Variants in LRRC7 observed in about 807,000 individuals in gnomAD.
LRRC7 encodes the protein leucine rich repeat containing 7.
Under a neutral mutation model 175.7 loss-of-function variants are expected in LRRC7, and 23 were observed. That is an observed-to-expected ratio of 0.13 (90% CI 0.09 to 0.19). The LOEUF (loss-of-function observed/expected upper bound fraction) is 0.19, where lower values mean the gene tolerates loss of function less well. LRRC7 is among the 10% of genes least tolerant of loss of function. LRRC7 has a pLI of 1.00. For synonymous variants in LRRC7, 685 were observed against 680.9 expected, an observed-to-expected ratio of 1.01 and a Z score of -0.09; for missense variants, 1,354 against 1,904.7, an observed-to-expected ratio of 0.71 and a Z score of 5.38.
chr1:69,826,295 C>A (rs1047336404), intron 5 of LRRC7, among the ~76,000 whole-genome samples: 1 of 151,958 alleles, frequency 6.6e-6, no homozygotes, highest in Non-Finnish European at 1.5e-5. Context: ...GCAGCAAGAA[C>A]AAAGAGATAA....
chr1:69,926,144 G>C (rs1647065318), intron 7 of LRRC7, among the ~76,000 whole-genome samples: 1 of 150,172 alleles, frequency 6.7e-6, no homozygotes, highest in Non-Finnish European at 1.5e-5. Context: ...GTTCTAGTTT[G>C]ATTGCACTGT....
Position 69,902,817 on chromosome 1 carries a change from A to C in LRRC7, c.648-28690A>C, listed in dbSNP as rs1290338141. On this transcript the variant is annotated intron_variant, in intron 7 of 26. Coordinates refer to ENST00000651989, the MANE Select transcript of LRRC7 (RefSeq NM_001370785.2). ...TTTTTATGAGAGTATGTTGAAAAGCAATGGTTGATGCAAGATTTGCTTTAT... is the reference window on the plus strand; with the variant it reads ...TTTTTATGAGAGTATGTTGAAAAGCCATGGTTGATGCAAGATTTGCTTTAT... Among the ~76,000 whole-genome samples the C allele has an allele frequency of 2.0e-5, 3 of 152,186 alleles. No homozygotes were observed. The East Asian group carries it at 5.8e-4, about 29-fold the overall frequency.
intron 7 of LRRC7, chr1:69,838,907 A>C (rs780677170): frequency 6.4e-6 from 1 of 156,094 alleles, no homozygotes; most frequent in Non-Finnish European, 1.4e-5. Context: ...TGCCTTATTC[A>C]TGTGTAACAA....
intron 7 of LRRC7, among the ~76,000 whole-genome samples, chr1:69,915,222 T>A (rs1646650271): frequency 6.6e-6 from 1 of 152,030 alleles, no homozygotes; most frequent in Non-Finnish European, 1.5e-5. Context: ...TCCAAAATAA[T>A]CATAAATGCA....
intron 1 of LRRC7, among the ~76,000 whole-genome samples, chr1:69,571,469 A>T (rs919027497): frequency 5.3e-5 from 8 of 152,212 alleles, no homozygotes; most frequent in Non-Finnish European, 8.8e-5. Context: ...ACGAAGATAT[A>T]AATTAATATG....
chr1:70,098,958 C>A (rs1477124277), intron 25 of LRRC7, among the ~76,000 whole-genome samples: 2 of 152,158 alleles, frequency 1.3e-5, no homozygotes, highest in Non-Finnish European at 2.9e-5. Context: ...GGGATCCTCC[C>A]TAACTCATTT....
At chr1:69,641,361 A>G (rs746924708) in intron 1 of LRRC7, among the ~76,000 whole-genome samples, 2 of 151,664 alleles carry the variant, frequency 1.3e-5, no homozygotes, top group Non-Finnish European at 3.0e-5. Context: ...TTTATTATAA[A>G]TCTTTCAATT....
chr1:70,100,109 AAAC>A (rs1664707637), intron 25 of LRRC7, among the ~76,000 whole-genome samples: 1 of 152,176 alleles, frequency 6.6e-6, no homozygotes, highest in African/African-American at 2.4e-5. Context: ...TTTAATTGTT[AAAC>A]AATAGTAGAA....
At chr1:69,940,624 C>T (rs1648609182) in intron 8 of LRRC7, among the ~76,000 whole-genome samples, 1 of 151,716 alleles carries the variant, frequency 6.6e-6, no homozygotes, top group South Asian at 2.1e-4. Flanking sequence ...AGAATCTCCC[C>T]CTGCAAAAAT....
Position 70,140,100 on chromosome 1 carries a change from A to T in LRRC7, c.*18213A>T, listed in dbSNP as rs895791874. 1.3e-5 allele frequency: 2 copies of T among 152,220 alleles called. No individual in the cohort carries two copies. The highest frequency in any genetic ancestry group is 3.4e-3 in the Middle Eastern group (1 of 294). 9.4% of individuals were successfully genotyped at this position (152,220 alleles called of 1,614,324 possible). On this transcript the variant is annotated 3_prime_UTR_variant, in exon 27 of 27. Coordinates refer to ENST00000651989, the MANE Select transcript of LRRC7 (RefSeq NM_001370785.2). ...GATACATCAAGCAATAATAAACTAGATGTGCAATAATCTTGTCGAGTAGTA... is the reference window on the plus strand; with the variant it reads ...GATACATCAAGCAATAATAAACTAGTTGTGCAATAATCTTGTCGAGTAGTA...
chr1:69,924,030 G>T (rs1157627802), intron 7 of LRRC7, among the ~76,000 whole-genome samples: 1 of 152,148 alleles, frequency 6.6e-6, no homozygotes, highest in African/African-American at 2.4e-5. Flanking sequence ...TGGCTAGCCA[G>T]TTTTCCCAGG....
At chr1:69,750,181 A>C (rs949185999) in intron 2 of LRRC7, among the ~76,000 whole-genome samples, 14 of 152,182 alleles carry the variant, frequency 9.2e-5, no homozygotes, top group African/African-American at 2.4e-4. Context: ...TGGGTAATTC[A>C]GAATACTAAT....
In LRRC7 at chr1:70,036,354, T is replaced by C. The variant is rs1659310925; in HGVS notation, c.2108-90T>C. The C allele has an allele frequency of 3.5e-6, 5 of 1,430,104 alleles. No individual in the cohort carries two copies. The African/African-American group carries it at 7.1e-5, about 20-fold the overall frequency. The allele number at this position is 1,430,104 out of a possible 1,614,324, so 88.6% of individuals were successfully genotyped here. A position where few individuals can be genotyped will look rare whatever the true frequency, so the allele number is the denominator to read the frequency against. ...GTTTTACAAATATGCATTTCTAACC[T>C]TAATCGGTATGGTTTCCATTTTTCA... On this transcript the variant is annotated intron_variant, in intron 19 of 26. Coordinates refer to ENST00000651989, the MANE Select transcript of LRRC7 (RefSeq NM_001370785.2).
chr1:69,692,262 C>T (rs1661983807), intron 2 of LRRC7, among the ~76,000 whole-genome samples: 1 of 152,134 alleles, frequency 6.6e-6, no homozygotes, highest in Non-Finnish European at 1.5e-5. Flanking sequence ...CCCAGTTCTC[C>T]TCCAGTATTT....
At chr1:69,599,045 C>T (rs1312132467) in intron 1 of LRRC7, among the ~76,000 whole-genome samples, 1 of 151,790 alleles carries the variant, frequency 6.6e-6, no homozygotes, top group African/African-American at 2.4e-5. Context: ...AGGAAGAATC[C>T]CTATAAAGTA....
intron 3 of LRRC7, among the ~76,000 whole-genome samples, chr1:69,775,891 G>A (rs1672754518): frequency 6.6e-6 from 1 of 152,164 alleles, no homozygotes; most frequent in Non-Finnish European, 1.5e-5. Context: ...CCCAGATTAT[G>A]AGAAATGATG....
intron 3 of LRRC7, among the ~76,000 whole-genome samples, chr1:69,789,787 T>C (rs1433658814): frequency 6.6e-6 from 1 of 152,076 alleles, no homozygotes; most frequent in Non-Finnish European, 1.5e-5. Context: ...GATACCAACA[T>C]GGATCAGCCA....
rs567477864 is a variant in LRRC7 at position 69,885,553 on chromosome 1, C to T, written c.648-45954C>T. Among the ~76,000 whole-genome samples, 102 of 135,190 alleles carry T rather than the reference C, an allele frequency of 7.5e-4. 10 individuals are homozygous for T. The highest frequency in any genetic ancestry group is 3.0e-3 in the African/African-American group (99 of 32,514). 88.7% of individuals were successfully genotyped at this position (135,190 alleles called of 152,430 possible). The stretch of plus-strand genomic sequence containing the variant: ...TAGCAGTCTATCAGTTTTGTTGATC[C>T]TTGCAAAAAACCAGCTCCTGGATTC... On this transcript the variant is annotated intron_variant, in intron 7 of 26. Transcript: ENST00000651989.
At chr1:70,004,153 A>G (rs1655787331) in intron 11 of LRRC7, among the ~76,000 whole-genome samples, 1 of 152,182 alleles carries the variant, frequency 6.6e-6, no homozygotes, top group Admixed American at 6.6e-5. Flanking sequence ...GGTAAAATCT[A>G]GATGATTTTG....
Sources: gnomAD v4.1 joint callset for allele counts (sites outside exome capture counted in the v4.1 genomes callset) on GRCh38, gnomAD v4.1.1 for gene constraint, MANE v1.5 for transcripts, NCBI Gene and HGNC (gene_info 2026-07-23, HGNC 2026-07-21) for gene names.